SGCD: variants seen among roughly 807,000 people sequenced by gnomAD.
SGCD encodes delta-sarcoglycan.
In SGCD, 18 loss-of-function variants were observed where a neutral mutation model predicts 36.6. That is an observed-to-expected ratio of 0.49 (90% CI 0.34 to 0.73). SGCD has a LOEUF of 0.73. SGCD is among the 30% of genes least tolerant of loss of function. The probability of loss-of-function intolerance (pLI) is 0.01; values close to 1 mark genes in which losing one functional copy is unlikely to be tolerated. For missense variants in SGCD, 387 were observed against 346.7 expected (o/e 1.12, Z -0.92); for synonymous variants, 133 against 130.6 (o/e 1.02, Z -0.12).
intron 1 of SGCD, among the ~76,000 whole-genome samples, chr5:156,032,348 C>G (rs1426216867): frequency 6.6e-6 from 1 of 151,778 alleles, no homozygotes; most frequent in African/African-American, 2.4e-5. Context: ...GTTTTTTTAA[C>G]TCTTTGAGTC....
At chr5:156,304,663 C>A (rs928142425) in intron 3 of SGCD, among the ~76,000 whole-genome samples, 1 of 152,140 alleles carries the variant, frequency 6.6e-6, no homozygotes, top group Non-Finnish European at 1.5e-5. Flanking sequence ...GACTTTGGAA[C>A]TGGGTAACAG....
At chr5:156,394,342 G>A (rs1771743129) in intron 3 of SGCD, among the ~76,000 whole-genome samples, 1 of 152,134 alleles carries the variant, frequency 6.6e-6, no homozygotes, top group African/African-American at 2.4e-5. Flanking sequence ...GAACATAATA[G>A]CTCCAATAAC....
chr5:155,892,322 G>A (rs1756151256), intron 1 of SGCD, among the ~76,000 whole-genome samples: 1 of 152,060 alleles, frequency 6.6e-6, no homozygotes, highest in African/African-American at 2.4e-5. Context: ...TGGGCATGGT[G>A]GCATGTGCCT....
chr5:156,322,865 G>A (rs953081425), upstream of SGCD, among the ~76,000 whole-genome samples: 5 of 152,116 alleles, frequency 3.3e-5, no homozygotes, highest in Admixed American at 2.6e-4. Flanking sequence ...AAAGATTTGA[G>A]GTCAAAGAGT....
intron 7 of SGCD, among the ~76,000 whole-genome samples, chr5:156,747,117 A>T (rs1393018380): frequency 1.3e-5 from 2 of 152,182 alleles, no homozygotes; most frequent in Non-Finnish European, 2.9e-5. Context: ...GGTGCCTAAC[A>T]ACATTAGTCA....
At chr5:156,580,158 C>T (rs1012597187) in intron 4 of SGCD, among the ~76,000 whole-genome samples, 1 of 152,144 alleles carries the variant, frequency 6.6e-6, no homozygotes. Context: ...GATTTTATTT[C>T]TCCTTCACTT....
At chr5:156,149,369 T>C (rs1762779984) in intron 3 of SGCD, among the ~76,000 whole-genome samples, 1 of 152,206 alleles carries the variant, frequency 6.6e-6, no homozygotes, top group African/African-American at 2.4e-5. Flanking sequence ...TTCTAACAAT[T>C]TGATTTGTGG....
intron 1 of SGCD, among the ~76,000 whole-genome samples, chr5:155,933,172 G>C (rs764814752): frequency 1.3e-5 from 2 of 152,128 alleles, no homozygotes; most frequent in East Asian, 1.9e-4. Context: ...TTCTCTAGCC[G>C]TAGGGGTCTT....
At chr5:156,610,819 G>C (rs998555042) in intron 6 of SGCD, among the ~76,000 whole-genome samples, 8 of 152,240 alleles carry the variant, frequency 5.3e-5, no homozygotes, top group Admixed American at 1.3e-4. Context: ...GCAAGGCTCT[G>C]TGGGCGTAGG....
intron 3 of SGCD, among the ~76,000 whole-genome samples, chr5:156,358,237 T>C (rs1413491419): frequency 6.6e-6 from 1 of 152,214 alleles, no homozygotes; most frequent in Non-Finnish European, 1.5e-5. Context: ...GTGCCATACA[T>C]AGTTGCTTGC....
the SGCD span, among the ~76,000 whole-genome samples, chr5:155,825,970 G>A: frequency 2.0e-5 from 3 of 152,070 alleles, no homozygotes; most frequent in Admixed American, 6.6e-5. Context: ...GGCTGGTCTC[G>A]AACTCCTGAC....
intron 3 of SGCD, among the ~76,000 whole-genome samples, chr5:156,213,223 G>A (rs1764491671): frequency 1.3e-5 from 2 of 151,754 alleles, no homozygotes; most frequent in East Asian, 1.9e-4. Flanking sequence ...GTTGTTTTTT[G>A]CAGTGATAAA....
intron 3 of SGCD, among the ~76,000 whole-genome samples, chr5:156,440,319 A>T (rs1183477093): frequency 6.6e-6 from 1 of 152,088 alleles, no homozygotes; most frequent in Non-Finnish European, 1.5e-5. Flanking sequence ...TTGCTGACTA[A>T]TATTTCTTTT....
At chr5:156,416,801 G>A (rs1210804862) in intron 3 of SGCD, among the ~76,000 whole-genome samples, 35 of 152,108 alleles carry the variant, frequency 2.3e-4, no homozygotes, top group Non-Finnish European at 5.9e-5. Flanking sequence ...AAAGTTTTAG[G>A]CAAATTTGCA....
At chr5:156,566,494 C>A (rs1759483384) in intron 4 of SGCD, among the ~76,000 whole-genome samples, 1 of 150,180 alleles carries the variant, frequency 6.7e-6, no homozygotes, top group African/African-American at 2.5e-5. Flanking sequence ...GGTCTTCCAT[C>A]CTTTACTTGA....
At chr5:156,690,849 A>G (rs77304802) in intron 7 of SGCD, among the ~76,000 whole-genome samples, 3 of 152,136 alleles carry the variant, frequency 2.0e-5, no homozygotes, top group Admixed American at 6.6e-5. Flanking sequence ...GGGAAAAAAT[A>G]GGATGACTGT....
At chr5:155,844,150 T>G in the SGCD span, among the ~76,000 whole-genome samples, 1 of 152,102 alleles carries the variant, frequency 6.6e-6, no homozygotes, top group African/African-American at 2.4e-5. Flanking sequence ...GGCCTCACAC[T>G]TATCTGAAGT....
chr5:155,948,977 A>C (rs1395706913), intron 1 of SGCD, among the ~76,000 whole-genome samples: 1 of 152,198 alleles, frequency 6.6e-6, no homozygotes, highest in East Asian at 1.9e-4. Context: ...AATTTTTATC[A>C]GCTCAGCTGA....
At chr5:155,816,499 G>A in the SGCD span, among the ~76,000 whole-genome samples, 2,974 of 152,264 alleles carry the variant, frequency 0.02, 93 homozygotes, top group African/African-American at 0.069. Context: ...AGGAGGAGGA[G>A]GAAAAGGAGA....
Sources: gnomAD v4.1 joint callset for allele counts (sites outside exome capture counted in the v4.1 genomes callset) on GRCh38, gnomAD v4.1.1 for gene constraint, MANE v1.5 for transcripts, NCBI Gene and HGNC (gene_info 2026-07-23, HGNC 2026-07-21) for gene names.